The following RALGAPB variants were observed in gnomAD, a reference collection of about 807,000 sequenced individuals.
RALGAPB encodes ral GTPase-activating protein subunit beta.
In RALGAPB, 25 loss-of-function variants were observed where a neutral mutation model predicts 161.1. That is an observed-to-expected ratio of 0.16 (90% confidence interval 0.11 to 0.22). RALGAPB has a LOEUF of 0.22. Among genes scored for constraint, RALGAPB ranks in the 10% least tolerant of loss-of-function variants. RALGAPB has a pLI of 1.00. For synonymous variants in RALGAPB, 629 were observed against 626.1 expected, an observed-to-expected ratio of 1.00 and a Z score of -0.07; for missense variants, 1,391 against 1,815.2, an observed-to-expected ratio of 0.77 and a Z score of 4.25.
intron 14 of RALGAPB, among the ~76,000 whole-genome samples, chr20:38,531,742 A>G (rs1034037453): frequency 5.3e-5 from 8 of 152,170 alleles, no homozygotes; most frequent in African/African-American, 7.2e-5. Flanking sequence ...AGGCAAGACA[A>G]TGGAGGGGTT....
chr20:38,491,328 T>G (rs1050174040), intron 2 of RALGAPB, among the ~76,000 whole-genome samples: 5 of 150,904 alleles, frequency 3.3e-5, no homozygotes, highest in Admixed American at 2.0e-4. Context: ...GCATACACTG[T>G]TTTTCTTTTT....
intron 28 of RALGAPB, among the ~76,000 whole-genome samples, chr20:38,571,494 C>T (rs899063531): frequency 6.6e-5 from 10 of 152,084 alleles, no homozygotes; most frequent in Non-Finnish European, 8.8e-5. Flanking sequence ...CCTGCCTTAG[C>T]GTAATGTACT....
At chr20:38,505,750 G>T (rs140832743) in intron 5 of RALGAPB, among the ~76,000 whole-genome samples, 11 of 152,176 alleles carry the variant, frequency 7.2e-5, no homozygotes, top group African/African-American at 2.6e-4. Context: ...CCAAAAAAAC[G>T]TGCATGCCTT....
chr20:38,533,451 A>G (rs1191361860), intron 15 of RALGAPB, among the ~76,000 whole-genome samples: 3 of 152,138 alleles, frequency 2.0e-5, no homozygotes, highest in Non-Finnish European at 2.9e-5. Context: ...GGGTACCTTT[A>G]TGTTTTTCTA....
At chr20:38,540,954 C>G (rs1757884032) in intron 17 of RALGAPB, 87 bp from the exon 18 acceptor site, 2 of 1,446,318 alleles carry the variant, frequency 1.4e-6, no homozygotes, top group Admixed American at 4.1e-5. Context: ...CACCAAAACG[C>G]AACCACTGTT....
chr20:38,527,094 A>G (rs1568943303), intron 13 of RALGAPB, among the ~76,000 whole-genome samples: 1 of 152,322 alleles, frequency 6.6e-6, no homozygotes, highest in East Asian at 1.9e-4. Flanking sequence ...CTCCCCGCTT[A>G]TGGAGCAATT....
Position 38,562,758 on chromosome 20 carries a change from T to C in RALGAPB, c.3697+61T>C, listed in dbSNP as rs960483048. ...TTGTTTGTTAGTCTTGTTTTTTTTTTTCCCCCTTTACTGTGATTTATAGTC... is the reference window on the plus strand; with the variant it reads ...TTGTTTGTTAGTCTTGTTTTTTTTTCTCCCCCTTTACTGTGATTTATAGTC... On this transcript the variant is annotated intron_variant, in intron 24 of 29. Coordinates refer to ENST00000262879, the MANE Select transcript of RALGAPB (RefSeq NM_020336.4). The C allele has an allele frequency of 7.9e-6, 12 of 1,512,310 alleles. No homozygotes were observed. In the African/African-American group the frequency reaches 9.9e-5, roughly 13 times the overall value. 93.7% of individuals were successfully genotyped at this position (1,512,310 alleles called of 1,614,324 possible). A position where few individuals can be genotyped will look rare whatever the true frequency, so the allele number is the denominator to read the frequency against.
At chr20:38,557,823 T>C (rs924040798) in intron 22 of RALGAPB, among the ~76,000 whole-genome samples, 4 of 152,260 alleles carry the variant, frequency 2.6e-5, no homozygotes, top group African/African-American at 9.6e-5. Flanking sequence ...TTGGTTATTA[T>C]GAATAAAGCT....
chr20:38,526,110 C>T (rs539000989), intron 13 of RALGAPB, 68 bp downstream of exon 13: 40 of 1,538,950 alleles, frequency 2.6e-5, no homozygotes, highest in Non-Finnish European at 3.3e-5. Context: ...GCTGAGGAGG[C>T]GGCAGTCGGT....
In RALGAPB at chr20:38,519,234, G is replaced by A. The variant is rs527331712; in HGVS notation, c.1417+1234G>A. 2.6e-5 allele frequency among the ~76,000 whole-genome samples: 4 copies of A among 152,164 alleles called. No individual in the cohort carries two copies. In the South Asian group the frequency reaches 8.3e-4, roughly 32 times the overall value. On this transcript the variant is annotated intron_variant, in intron 9 of 29. Coordinates refer to ENST00000262879, the MANE Select transcript of RALGAPB (RefSeq NM_020336.4). The stretch of plus-strand genomic sequence containing the variant: ...CACAATTTGAAAGTAGTGCTTCTGG[G>A]ATAGGTAAATGTGCTTACTTACAAT...
At chr20:38,548,824 GT>G in intron 20 of RALGAPB, 29 bp downstream of exon 20, 2 of 1,539,940 alleles carry the variant, frequency 1.3e-6, no homozygotes, top group South Asian at 2.2e-5. Context: ...AGGGAAGTGT[GT>G]GTGTGTTTTG....
intron 13 of RALGAPB, among the ~76,000 whole-genome samples, chr20:38,528,215 A>G (rs1470825613): frequency 6.6e-6 from 1 of 152,102 alleles, no homozygotes; most frequent in Non-Finnish European, 1.5e-5. Flanking sequence ...AGTATTCCAT[A>G]ATATTTTCCT....
At chr20:38,493,196 T>C in intron 3 of RALGAPB, 64 bp downstream of exon 3, 1 of 1,335,080 alleles carries the variant, frequency 7.5e-7, no homozygotes, top group Non-Finnish European at 1.1e-6. Flanking sequence ...TAAACGTTAC[T>C]ATAGTATAGG....
chr20:38,509,489 C>T (rs1431526302), intron 6 of RALGAPB, among the ~76,000 whole-genome samples: 3 of 152,216 alleles, frequency 2.0e-5, no homozygotes, highest in Non-Finnish European at 4.4e-5. Context: ...TGCAGCCAGG[C>T]TGATGATCTT....
chr20:38,574,890 T>C lies in RALGAPB; in HGVS notation c.4408T>C (p.Tyr1470His). The change falls in exon 30 of 30, where the codon TAC (tyrosine) becomes CAC (histidine). Residue 1470 changes from tyrosine to histidine, a missense_variant. Physicochemically the swap from Tyr to His is moderately conservative, Grantham distance 83. Around this residue, in one of 3 missense-constraint regions of RALGAPB, gnomAD observed 436 missense variants for 527.0 expected, o/e 0.83. Transcript: ENST00000262879. ...KQKITDIVNK[Y>H]RNKQLEPEFY... Reference sequence around the variant, plus strand: ...GAAAATCACCGACATTGTCAACAAGTACCGGAACAAGCAGCTGGAGCCAGA... The same window carrying C: ...GAAAATCACCGACATTGTCAACAAGCACCGGAACAAGCAGCTGGAGCCAGA... 6.2e-7 allele frequency: 1 copy of C among 1,613,944 alleles called. No homozygotes were observed. The highest frequency in any genetic ancestry group is 8.5e-7 in the Non-Finnish European group (1 of 1,179,822).
At chr20:38,525,628 A>G (rs1323270066) in intron 12 of RALGAPB, 110 bp downstream of exon 12, 1 of 933,646 alleles carries the variant, frequency 1.1e-6, no homozygotes, top group East Asian at 2.6e-5. Flanking sequence ...TTTCAATTCA[A>G]GTTATTTCAT....
At chr20:38,551,519 G>C (rs1199755825) in intron 21 of RALGAPB, among the ~76,000 whole-genome samples, 1 of 152,196 alleles carries the variant, frequency 6.6e-6, no homozygotes, top group Non-Finnish European at 1.5e-5. Context: ...GACCAGTTCA[G>C]AGACTATTAT....
intron 1 of RALGAPB, among the ~76,000 whole-genome samples, chr20:38,486,906 G>A (rs1276089163): frequency 2.6e-5 from 4 of 152,144 alleles, no homozygotes; most frequent in Non-Finnish European, 5.9e-5. Flanking sequence ...CTGTGTGCTA[G>A]GGACTCAGAG....
chr20:38,507,601 G>T (rs912820309), intron 5 of RALGAPB, among the ~76,000 whole-genome samples: 1 of 152,130 alleles, frequency 6.6e-6, no homozygotes, highest in African/African-American at 2.4e-5. Context: ...CAGGACTCAA[G>T]CTCCTGGACT....
Sources: allele counts gnomAD v4.1 joint callset (sites outside exome capture counted in the v4.1 genomes callset), GRCh38; gene constraint gnomAD v4.1.1; regional missense constraint gnomAD v4.1.1; transcripts MANE v1.5; gene names NCBI Gene and HGNC (gene_info 2026-07-23, HGNC 2026-07-21).